Variants in ROBO2 observed in about 807,000 individuals in gnomAD.
ROBO2 encodes roundabout homolog 2.
In ROBO2, 53 loss-of-function variants were observed where a neutral mutation model predicts 160.8. That is an observed-to-expected ratio of 0.33 (90% CI 0.26 to 0.41). The LOEUF (loss-of-function observed/expected upper bound fraction) is 0.41, where lower values mean the gene tolerates loss of function less well. Ranked by LOEUF, ROBO2 falls within the 10% of genes least tolerant of loss-of-function variation. ROBO2 has a pLI of 1.00. For missense variants in ROBO2, 1,577 were observed against 1,722.4 expected, an observed-to-expected ratio of 0.92 and a Z score of 1.49; for synonymous variants, 664 against 611.7, an observed-to-expected ratio of 1.09 and a Z score of -1.26.
In ROBO2 at chr3:76,177,320, G is replaced by A. The variant is rs535012439; in HGVS notation, c.109+239718G>A. ...ATTCATCTGGATAAAAGAAGAAAATGCAAGTTACATTCTTTGACCTGTCAT... is the reference window on the plus strand; with the variant it reads ...ATTCATCTGGATAAAAGAAGAAAATACAAGTTACATTCTTTGACCTGTCAT... On this transcript the variant is annotated intron_variant, in intron 2 of 26. Coordinates refer to the ROBO2 transcript ENST00000487694. Among the ~76,000 whole-genome samples, 10 of 152,218 alleles carry A rather than the reference G, an allele frequency of 6.6e-5. No homozygotes were observed. In the South Asian group the frequency reaches 1.9e-3, roughly 28 times the overall value.
intron 5 of ROBO2, among the ~76,000 whole-genome samples, chr3:77,519,505 C>T (rs909549743): frequency 1.3e-5 from 2 of 151,238 alleles, no homozygotes; most frequent in African/African-American, 2.4e-5. Flanking sequence ...CCTTAACCCC[C>T]TCCTTCTCTC....
chr3:77,399,245 A>G (rs911648136), intron 2 of ROBO2, among the ~76,000 whole-genome samples: 25 of 152,220 alleles, frequency 1.6e-4, no homozygotes, highest in African/African-American at 5.1e-4. Flanking sequence ...GATAAAGAGA[A>G]TTAAGTTTAT....
intron 2 of ROBO2, among the ~76,000 whole-genome samples, chr3:75,998,045 A>C (rs2065781979): frequency 1.3e-5 from 2 of 152,222 alleles, no homozygotes; most frequent in African/African-American, 4.8e-5. Flanking sequence ...AGATGGGAGA[A>C]AGATCTCTAA....
At chr3:77,076,399 G>T (rs1352259125) in intron 1 of ROBO2, among the ~76,000 whole-genome samples, 1 of 151,938 alleles carries the variant, frequency 6.6e-6, no homozygotes, top group Non-Finnish European at 1.5e-5. Context: ...AGCATACGTG[G>T]TACTAAAGCA....
intron 2 of ROBO2, among the ~76,000 whole-genome samples, chr3:77,373,088 ATAAT>A (rs2072025755): frequency 6.8e-6 from 1 of 147,242 alleles, no homozygotes; most frequent in Non-Finnish European, 1.5e-5. Flanking sequence ...TTATTATAAA[ATAAT>A]TAAAATATAA....
chr3:76,837,883 C>A (rs2109457128), intron 2 of ROBO2, among the ~76,000 whole-genome samples: 1 of 152,022 alleles, frequency 6.6e-6, no homozygotes, highest in East Asian at 1.9e-4. Flanking sequence ...CATCTATGAT[C>A]CACTGGAAGA....
At chr3:76,909,064 A>C (rs753855256) in intron 2 of ROBO2, among the ~76,000 whole-genome samples, 6 of 152,076 alleles carry the variant, frequency 3.9e-5, no homozygotes, top group Non-Finnish European at 8.8e-5. Context: ...AAATATATAC[A>C]TATTTTTAAA....
At chr3:77,165,323 T>C (rs4495818) in intron 2 of ROBO2, among the ~76,000 whole-genome samples, 55,167 of 142,590 alleles carry the variant, frequency 0.39, 10,865 homozygotes, top group Middle Eastern at 0.53. Context: ...GGATTAAGGG[T>C]GGTGCAAGAT....
chr3:76,032,905 C>T (rs904367904), intron 2 of ROBO2, among the ~76,000 whole-genome samples: 33 of 152,170 alleles, frequency 2.2e-4, no homozygotes, highest in African/African-American at 7.5e-4. Flanking sequence ...AAGTTAGTTT[C>T]AATTGGATAT....
At chr3:77,360,414 G>C (rs2069785897) in intron 2 of ROBO2, among the ~76,000 whole-genome samples, 1 of 151,958 alleles carries the variant, frequency 6.6e-6, no homozygotes, top group Admixed American at 6.6e-5. Context: ...GGTGGGAGTA[G>C]GTAAAAATAA....
At chr3:76,879,757 C>T (rs1008537029) in intron 2 of ROBO2, among the ~76,000 whole-genome samples, 5 of 151,998 alleles carry the variant, frequency 3.3e-5, no homozygotes, top group Admixed American at 6.6e-5. Context: ...AATGTTTATT[C>T]GTAGTTAACT....
At chr3:77,423,775 C>T (rs2077927565) in intron 2 of ROBO2, among the ~76,000 whole-genome samples, 1 of 152,146 alleles carries the variant, frequency 6.6e-6, no homozygotes, top group African/African-American at 2.4e-5. Flanking sequence ...ATTTCATAAA[C>T]CCCTAACTCC....
At chr3:76,940,775 C>T (rs772053733) in intron 2 of ROBO2, among the ~76,000 whole-genome samples, 33 of 152,200 alleles carry the variant, frequency 2.2e-4, no homozygotes, top group Non-Finnish European at 1.3e-4. Flanking sequence ...TTTATCAAAA[C>T]ATCCCATTGT....
At chr3:76,975,355 A>C (rs1289946437) in intron 2 of ROBO2, among the ~76,000 whole-genome samples, 1 of 152,092 alleles carries the variant, frequency 6.6e-6, no homozygotes, top group Non-Finnish European at 1.5e-5. Flanking sequence ...AAATGTAAAA[A>C]TTAGCCAGGC....
At chr3:76,513,730 G>A (rs2081216158) in intron 2 of ROBO2, among the ~76,000 whole-genome samples, 1 of 152,112 alleles carries the variant, frequency 6.6e-6, no homozygotes, top group Non-Finnish European at 1.5e-5. Context: ...AGAGAGATGA[G>A]TATAATAAAC....
intron 2 of ROBO2, among the ~76,000 whole-genome samples, chr3:76,426,344 G>A (rs1308088035): frequency 6.6e-6 from 1 of 152,042 alleles, no homozygotes; most frequent in East Asian, 1.9e-4. Context: ...CACAAGAGTA[G>A]CAAGCAAAGG....
chr3:76,693,150 C>T (rs1222571423), intron 2 of ROBO2, among the ~76,000 whole-genome samples: 1 of 142,906 alleles, frequency 7.0e-6, no homozygotes, highest in Non-Finnish European at 1.5e-5. Flanking sequence ...TATATACATA[C>T]ATAAGTCTCT....
At chr3:76,931,210 A>AC (rs1366419173) in intron 2 of ROBO2, among the ~76,000 whole-genome samples, 1 of 151,916 alleles carries the variant, frequency 6.6e-6, no homozygotes, top group Admixed American at 6.6e-5. Flanking sequence ...AAATTAGAAA[A>AC]AAAATTTAAA....
rs184344503 is a variant in ROBO2, at chr3:77,067,632, G to T, written c.61+26786G>T. Among the ~76,000 whole-genome samples the T allele has an allele frequency of 2.6e-5, 4 of 152,282 alleles. No individual in the cohort carries two copies. In the East Asian group the frequency reaches 7.7e-4, roughly 29 times the overall value. On this transcript the variant is annotated intron_variant, in intron 1 of 25. Transcript: ENST00000461745. ...TAACACCGTGCTTGATATAGACTCA[G>T]TGCTGAATTGAGTGTTTGTTTTTTC... is the stretch of plus-strand genomic sequence containing the variant.
Sources: gnomAD v4.1 joint callset for allele counts (sites outside exome capture counted in the v4.1 genomes callset) on GRCh38, gnomAD v4.1.1 for gene constraint, MANE v1.5 for transcripts, NCBI Gene and HGNC (gene_info 2026-07-23, HGNC 2026-07-21) for gene names.